MACROD1: variants seen among roughly 807,000 people sequenced by gnomAD.
MACROD1 encodes ADP-ribose glycohydrolase MACROD1.
Under a neutral mutation model 41.4 loss-of-function variants are expected in MACROD1, and 31 were observed. The observed-to-expected ratio is 0.75, with a 90% CI of 0.56 to 1.01. The LOEUF is 1.01. Ranked by LOEUF, MACROD1 falls within the 50% of genes least tolerant of loss-of-function variation. MACROD1 has a pLI of 0.00. For synonymous variants in MACROD1, 252 were observed against 203.4 expected, an observed-to-expected ratio of 1.24 and a Z score of -2.03; for missense variants, 473 against 460.0, an observed-to-expected ratio of 1.03 and a Z score of -0.26.
At chr11:64,138,552 C>T in intron 3 of MACROD1, 1 of 985,438 alleles carries the variant, frequency 1.0e-6, no homozygotes, top group Non-Finnish European at 1.2e-6. Flanking sequence ...ACCTGAAATA[C>T]AGCCAGGCGG....
chr11:64,148,644 T>C (rs1945530053), intron 3 of MACROD1: 1 of 758,552 alleles, frequency 1.3e-6, no homozygotes, highest in Non-Finnish European at 1.6e-6. Flanking sequence ...TAGAATTTAA[T>C]GGACACGTAT....
chr11:64,031,983 T>C (rs1943302078), intron 3 of MACROD1, among the ~76,000 whole-genome samples: 1 of 152,250 alleles, frequency 6.6e-6, no homozygotes, highest in Non-Finnish European at 1.5e-5. Flanking sequence ...GCCAGGGTTG[T>C]GCCCTCTGAA....
rs774981496 is a variant in MACROD1, at chr11:64,001,480, C to A, written c.548-1137G>T. The A allele has an allele frequency of 7.0e-5, 49 of 702,338 alleles. No homozygotes were observed. In the African/African-American group the frequency reaches 7.7e-4, roughly 11 times the overall value. 43.5% of individuals were successfully genotyped at this position (702,338 alleles called of 1,614,324 possible). A position where few individuals can be genotyped will look rare whatever the true frequency, so the allele number is the denominator to read the frequency against. On this transcript the variant is annotated intron_variant, in intron 4 of 10. Transcript: ENST00000255681. The stretch of plus-strand genomic sequence containing the variant: ...GATGGACAAACCAAGGCCACCTTCT[C>A]CTTCATCACCTCAGTCTCGGCACAG...
intron 1 of MACROD1, among the ~76,000 whole-genome samples, chr11:64,161,810 C>G (rs957004411): frequency 9.3e-5 from 13 of 139,188 alleles, no homozygotes; most frequent in Admixed American, 6.0e-4. Context: ...TGGCTCACAC[C>G]TGTAACCTCA....
In MACROD1 at chr11:64,090,914, C is replaced by T. The variant is rs913748813; in HGVS notation, c.517+60325G>A. Among the ~76,000 whole-genome samples, 2 of 151,790 alleles carry T rather than the reference C, an allele frequency of 1.3e-5. No individual in the cohort carries two copies. Among genetic ancestry groups the T allele is most frequent in the Non-Finnish European group, 2.9e-5 (2 of 67,928 alleles). On this transcript the variant is annotated intron_variant, in intron 3 of 10. Coordinates refer to ENST00000255681, the MANE Select transcript of MACROD1 (RefSeq NM_014067.4). The surrounding 1 kb of genome is among the most constrained non-coding windows in gnomAD (Gnocchi z 4.7). ...CAGGGGGAGGGACAGCCAGGGTGGT[C>T]ACAGTTTGGTCTGCCCTGTAGGGGG...
intron 3 of MACROD1, among the ~76,000 whole-genome samples, chr11:64,051,614 T>C (rs1034183881): frequency 6.6e-6 from 1 of 152,214 alleles, no homozygotes; most frequent in African/African-American, 2.4e-5. Context: ...CCGCCATTCC[T>C]GCGTGGAGCG....
intron 3 of MACROD1, among the ~76,000 whole-genome samples, chr11:64,023,699 G>C (rs1485831967): frequency 6.6e-6 from 1 of 152,010 alleles, no homozygotes; most frequent in African/African-American, 2.4e-5. Context: ...GCCCATTCCA[G>C]GCCCTCCTTT....
intron 3 of MACROD1, among the ~76,000 whole-genome samples, chr11:64,055,724 C>T (rs913708911): frequency 1.3e-5 from 2 of 152,142 alleles, no homozygotes; most frequent in African/African-American, 4.8e-5. Context: ...GATGATGGGC[C>T]ATGGGAGGGA....
chr11:64,088,069 G>C (rs1944425756), intron 3 of MACROD1, among the ~76,000 whole-genome samples: 1 of 152,168 alleles, frequency 6.6e-6, no homozygotes, highest in African/African-American at 2.4e-5. Flanking sequence ...GGCCTCCCCT[G>C]GCTCTTCCCA....
In MACROD1 at chr11:63,998,560, C is replaced by T. The variant is rs893465398; in HGVS notation, c.*158G>A. 6.9e-6 allele frequency: 8 copies of T among 1,160,974 alleles called. No homozygotes were observed. In the South Asian group the frequency reaches 2.2e-4, roughly 32 times the overall value. The allele number at this position is 1,160,974 out of a possible 1,614,324, so 71.9% of individuals were successfully genotyped here. On this transcript the variant is annotated 3_prime_UTR_variant, in exon 11 of 11. Transcript: ENST00000255681. ...GTCAGAGCTCAGACAGTAGGAGCTGCCACAACGAGATCTTTATTAGGCTCC... is the reference window on the plus strand; with the variant it reads ...GTCAGAGCTCAGACAGTAGGAGCTGTCACAACGAGATCTTTATTAGGCTCC...
chr11:64,154,988 G>A (rs1040759151), intron 1 of MACROD1, among the ~76,000 whole-genome samples: 2 of 152,358 alleles, frequency 1.3e-5, no homozygotes, highest in Admixed American at 6.5e-5. Context: ...CGAAGTGCTG[G>A]AATTACAGGC....
At chr11:64,066,054 G>C (rs922672002) in intron 3 of MACROD1, among the ~76,000 whole-genome samples, 4 of 151,820 alleles carry the variant, frequency 2.6e-5, no homozygotes, top group African/African-American at 9.7e-5. Context: ...CCAACACTTT[G>C]TGGGGGCTGA....
chr11:64,137,401 G>A (rs1945348007), intron 3 of MACROD1, among the ~76,000 whole-genome samples: 1 of 152,032 alleles, frequency 6.6e-6, no homozygotes, highest in Middle Eastern at 3.2e-3. Context: ...TACTAGAGAG[G>A]AAAAATGAAG....
rs1165010029 is a variant in MACROD1 at position 64,017,683 on chromosome 11, G to A, written c.518-2402C>T. ...TGGGCAGTGCCACCCCAGAGCCAGC[G>A]AGGGAGGAGGGGGCATCTCAGGTCT... On this transcript the variant is annotated intron_variant, in intron 3 of 10. Coordinates refer to ENST00000255681, the MANE Select transcript of MACROD1 (RefSeq NM_014067.4). Among the ~76,000 whole-genome samples the A allele has an allele frequency of 2.0e-5, 3 of 152,182 alleles. 1 individual carries two copies. Among genetic ancestry groups the A allele is most frequent in the Middle Eastern group, 6.4e-3 (2 of 314 alleles).
At chr11:64,125,451 G>A (rs1273653944) in intron 3 of MACROD1, among the ~76,000 whole-genome samples, 1 of 152,172 alleles carries the variant, frequency 6.6e-6, no homozygotes, top group Non-Finnish European at 1.5e-5. Flanking sequence ...TGCCACCAAC[G>A]GAACGAGGCC....
intron 4 of MACROD1, among the ~76,000 whole-genome samples, chr11:64,013,825 G>A (rs1162423255): frequency 3.3e-5 from 5 of 152,088 alleles, no homozygotes; most frequent in Admixed American, 2.0e-4. Flanking sequence ...CTTTGCCTGC[G>A]CTGTTCCCTC....
intron 3 of MACROD1, among the ~76,000 whole-genome samples, chr11:64,088,951 C>A (rs1420506230): frequency 6.6e-6 from 1 of 152,106 alleles, no homozygotes; most frequent in Non-Finnish European, 1.5e-5. Context: ...GCAGCTGTCA[C>A]CATGGAGGCT....
At chr11:64,049,435 G>A (rs146667394) in intron 3 of MACROD1, among the ~76,000 whole-genome samples, 1 of 152,304 alleles carries the variant, frequency 6.6e-6, no homozygotes, top group Non-Finnish European at 1.5e-5. Context: ...GCCCAGTTCT[G>A]AGCATTACCC....
At chr11:64,020,969 G>A (rs763112653) in intron 3 of MACROD1, among the ~76,000 whole-genome samples, 1 of 151,936 alleles carries the variant, frequency 6.6e-6, no homozygotes, top group Non-Finnish European at 1.5e-5. Context: ...CACCCACCTC[G>A]GTCTCCCAAA....
Sources: allele counts gnomAD v4.1 joint callset (sites outside exome capture counted in the v4.1 genomes callset), GRCh38; gene constraint gnomAD v4.1.1; non-coding constraint Gnocchi (gnomAD v3.1); transcripts MANE v1.5; gene names NCBI Gene and HGNC (gene_info 2026-07-23, HGNC 2026-07-21).